The following LMNB1 variants were observed in gnomAD, a reference collection of about 807,000 sequenced individuals.
LMNB1 encodes lamin-B1.
In LMNB1, 23 loss-of-function variants were observed where a neutral mutation model predicts 67.1. The observed-to-expected ratio is 0.34, with a 90% CI of 0.25 to 0.49. The LOEUF (loss-of-function observed/expected upper bound fraction) is 0.49. LMNB1 is among the 20% of genes least tolerant of loss of function. LMNB1 has a pLI of 0.99. For missense variants in LMNB1, 634 were observed against 746.5 expected, an observed-to-expected ratio of 0.85 and a Z score of 1.76; for synonymous variants, 281 against 282.9, an observed-to-expected ratio of 0.99 and a Z score of 0.07.
At chr5:126,784,935 TACAGGCGTAAGCC>T (rs1231006683) in intron 1 of LMNB1, among the ~76,000 whole-genome samples, 4 of 151,996 alleles carry the variant, frequency 2.6e-5, no homozygotes, top group African/African-American at 9.7e-5. Flanking sequence ...GTGCTGGGAT[TACAGGCGTAAGCC>T]ACTGCCCTCC....
At chr5:126,830,102 G>T (rs929298839) in intron 9 of LMNB1, among the ~76,000 whole-genome samples, 1 of 152,108 alleles carries the variant, frequency 6.6e-6, no homozygotes, top group African/African-American at 2.4e-5. Flanking sequence ...ACATAAGATC[G>T]CCCTGATTTG....
At chr5:126,817,832 A>G (rs1751751098) in intron 5 of LMNB1, among the ~76,000 whole-genome samples, 1 of 152,132 alleles carries the variant, frequency 6.6e-6, no homozygotes. Flanking sequence ...TGTTGCAGGT[A>G]CTTGTGATTC....
intron 1 of LMNB1, among the ~76,000 whole-genome samples, chr5:126,802,525 CCT>C (rs941028579): frequency 5.3e-5 from 8 of 152,176 alleles, no homozygotes; most frequent in African/African-American, 1.9e-4. Flanking sequence ...CTCACTGCAA[CCT>C]CTACCTCCCG....
chr5:126,819,367 G>C, intron 6 of LMNB1: 1 of 382,482 alleles, frequency 2.6e-6, no homozygotes, highest in Non-Finnish European at 4.7e-6. Flanking sequence ...ATGCTGAACT[G>C]CATCAGGATG....
At chr5:126,822,415 A>G (rs1190827134) in intron 7 of LMNB1, among the ~76,000 whole-genome samples, 1 of 152,246 alleles carries the variant, frequency 6.6e-6, no homozygotes, top group Non-Finnish European at 1.5e-5. Flanking sequence ...TGTCTATTTT[A>G]AAAGCTTGAA....
intron 1 of LMNB1, among the ~76,000 whole-genome samples, chr5:126,790,142 C>G (rs1170158468): frequency 6.6e-6 from 1 of 152,054 alleles, no homozygotes; most frequent in African/African-American, 2.4e-5. Context: ...TGCTCTGTTG[C>G]CCAGACTGGA....
At position 126,784,087 on chromosome 5, in the gene LMNB1, C is replaced by T. The variant is rs113365634; in HGVS notation, c.359+6220C>T. 7.7e-3 allele frequency among the ~76,000 whole-genome samples: 990 copies of T among 127,772 alleles called. 11 individuals are homozygous for T. The highest frequency in any genetic ancestry group is 0.029 in the African/African-American group (941 of 32,180). The allele number at this position is 127,772 out of a possible 152,430, so 83.8% of individuals were successfully genotyped here. A position where few individuals can be genotyped will look rare whatever the true frequency, so the allele number is the denominator to read the frequency against. On this transcript the variant is annotated intron_variant, in intron 1 of 10. Transcript: ENST00000261366. Reference sequence around the variant, plus strand: ...TTGCCCAGGCTGGAGTACAGTGGTGCGATCTCAGCTCACTGCAACCTCCGC... The same window carrying T: ...TTGCCCAGGCTGGAGTACAGTGGTGTGATCTCAGCTCACTGCAACCTCCGC...
chr5:126,815,159 T>A (rs750223242), intron 5 of LMNB1: 3 of 152,222 alleles, frequency 2.0e-5, no homozygotes, highest in Non-Finnish European at 2.9e-5. Context: ...TCCTATTGTT[T>A]GTCTTAATAG....
chr5:126,812,001 T>C, intron 5 of LMNB1, 103 bp downstream of exon 5: 1 of 1,158,502 alleles, frequency 8.6e-7, no homozygotes, highest in Non-Finnish European at 1.2e-6. Flanking sequence ...CTCTGTTTGT[T>C]ACAGAGGATG....
chr5:126,815,192 G>A (rs912935318), intron 5 of LMNB1: 7 of 152,122 alleles, frequency 4.6e-5, no homozygotes, highest in Non-Finnish European at 5.9e-5. Flanking sequence ...AGTCATATCA[G>A]TTTCATCATG....
At chr5:126,814,661 C>T (rs1751663653) in intron 5 of LMNB1, among the ~76,000 whole-genome samples, 2 of 152,042 alleles carry the variant, frequency 1.3e-5, no homozygotes, top group Non-Finnish European at 2.9e-5. Context: ...GCCTCAGCCT[C>T]CTGAGTAGCT....
Position 126,777,798 on chromosome 5 carries a change from C to A in LMNB1, c.290C>A (p.Ala97Asp). Residue 97 changes from alanine to aspartate, a missense_variant, in exon 1 of 11, where the codon GCC (alanine) becomes GAC (aspartate). Ala to Asp is a moderately radical substitution (Grantham distance 126). Transcript: ENST00000261366. ...ADARRALDDT[A>D]RERAKLQIEL... ...GCGCGACGCGCGCTCGACGACACGG[C>A]CCGCGAGCGCGCCAAGCTGCAGATC... 1 of 1,493,354 alleles carries A rather than the reference C, an allele frequency of 6.7e-7. No homozygotes were observed. Among genetic ancestry groups the A allele is most frequent in the Non-Finnish European group, 8.9e-7 (1 of 1,119,066 alleles). 92.5% of individuals were successfully genotyped at this position (1,493,354 alleles called of 1,614,324 possible).
At chr5:126,776,725 A>C (rs1361170565), upstream of LMNB1, 3 of 152,188 alleles carry the variant, frequency 2.0e-5, no homozygotes, top group Non-Finnish European at 4.4e-5. Context: ...TGAACCGCCG[A>C]GTGTGGGCGG....
At chr5:126,807,299 C>G (rs376046007) in intron 3 of LMNB1, among the ~76,000 whole-genome samples, 3 of 152,072 alleles carry the variant, frequency 2.0e-5, no homozygotes, top group East Asian at 1.9e-4. Context: ...GAAAACAGTG[C>G]AAATAGGAAT....
intron 5 of LMNB1, among the ~76,000 whole-genome samples, chr5:126,814,143 C>T (rs1751647441): frequency 6.6e-6 from 1 of 152,204 alleles, no homozygotes; most frequent in Non-Finnish European, 1.5e-5. Context: ...GATCCGCCCG[C>T]CTCAGCCTCC....
intron 4 of LMNB1, among the ~76,000 whole-genome samples, chr5:126,811,175 A>G (rs1018411400): frequency 2.0e-5 from 3 of 152,254 alleles, no homozygotes; most frequent in Admixed American, 6.5e-5. Context: ...TGAGCTATAC[A>G]GTGAAGGAGC....
At chr5:126,833,507 C>T (rs559276168) in intron 10 of LMNB1, among the ~76,000 whole-genome samples, 1 of 152,312 alleles carries the variant, frequency 6.6e-6, no homozygotes, top group South Asian at 2.1e-4. Flanking sequence ...TCTAAATAAA[C>T]ACTGTCTCAT....
At chr5:126,835,190 A>T (rs532607344) in intron 10 of LMNB1, among the ~76,000 whole-genome samples, 95 of 152,296 alleles carry the variant, frequency 6.2e-4, no homozygotes, top group African/African-American at 2.2e-3. Flanking sequence ...AAGATGTATG[A>T]GGTTTTTAGC....
intron 1 of LMNB1, among the ~76,000 whole-genome samples, chr5:126,778,407 C>T (rs1338030063): frequency 2.0e-5 from 3 of 152,190 alleles, no homozygotes; most frequent in Admixed American, 1.3e-4. Context: ...CCGCAGCATC[C>T]GCGTCTCCTG....
Sources: gnomAD v4.1 joint callset for allele counts (sites outside exome capture counted in the v4.1 genomes callset) on GRCh38, gnomAD v4.1.1 for gene constraint, MANE v1.5 for transcripts, NCBI Gene and HGNC (gene_info 2026-07-23, HGNC 2026-07-21) for gene names.